The following GABBR2 variants were observed in gnomAD, a reference collection of about 807,000 sequenced individuals.
GABBR2 encodes the protein gamma-aminobutyric acid type B receptor subunit 2.
A neutral mutation model predicts 105.6 loss-of-function variants in GABBR2; 23 were observed. The ratio of observed to expected loss-of-function variants is 0.22; its 90% CI spans 0.16 to 0.31. The LOEUF (loss-of-function observed/expected upper bound fraction) is 0.31. GABBR2 is among the 10% of genes least tolerant of loss of function. GABBR2 has a pLI of 1.00. For missense variants in GABBR2, 734 were observed against 1,245.5 expected (o/e 0.59, Z 6.18); for synonymous variants, 478 against 499.7 (o/e 0.96, Z 0.58).
intron 3 of GABBR2, among the ~76,000 whole-genome samples, chr9:98,508,563 C>T (rs1189243951): frequency 6.6e-6 from 1 of 152,208 alleles, no homozygotes; most frequent in African/African-American, 2.4e-5. Flanking sequence ...TCACTCCCAC[C>T]CTAATACTGC....
At chr9:98,312,631 T>C (rs372682242) in intron 13 of GABBR2, among the ~76,000 whole-genome samples, 25 of 152,384 alleles carry the variant, frequency 1.6e-4, no homozygotes, top group African/African-American at 5.8e-4. Flanking sequence ...AATTCTTACC[T>C]GAGTCATTTA....
At chr9:98,510,007 G>A (rs1457524785) in intron 3 of GABBR2, among the ~76,000 whole-genome samples, 1 of 152,200 alleles carries the variant, frequency 6.6e-6, no homozygotes, top group African/African-American at 2.4e-5. Flanking sequence ...GAAATACTAA[G>A]AGCAGCCAGA....
intron 2 of GABBR2, among the ~76,000 whole-genome samples, chr9:98,576,022 T>C (rs1046911451): frequency 1.3e-5 from 2 of 152,202 alleles, no homozygotes; most frequent in Non-Finnish European, 2.9e-5. Flanking sequence ...TGGGGCTTCC[T>C]TGACCCGGGG....
At chr9:98,290,893 C>G in intron 18 of GABBR2, 144 bp from the exon 19 acceptor site, 1 of 489,224 alleles carries the variant, frequency 2.0e-6, no homozygotes, top group Non-Finnish European at 3.5e-6. Flanking sequence ...AATCATCTAA[C>G]CATTCAGCAA....
At chr9:98,529,222 G>A (rs1828018719) in intron 3 of GABBR2, among the ~76,000 whole-genome samples, 1 of 152,182 alleles carries the variant, frequency 6.6e-6, no homozygotes, top group South Asian at 2.1e-4. Context: ...CAGGGTATTT[G>A]CAGAATTGTT....
At chr9:98,683,995 G>A (rs1405714646) in intron 1 of GABBR2, among the ~76,000 whole-genome samples, 4 of 138,274 alleles carry the variant, frequency 2.9e-5, no homozygotes, top group East Asian at 2.2e-4. Context: ...GCGACAGAGC[G>A]AGACTCCATC....
At position 98,454,984 on chromosome 9, in the gene GABBR2, C is replaced by T. The variant is rs1826299966; in HGVS notation, c.1000-767G>A. Among the ~76,000 whole-genome samples the T allele has an allele frequency of 2.6e-5, 4 of 152,142 alleles. No homozygotes were observed. On this transcript the variant is annotated intron_variant, in intron 6 of 18. Transcript: ENST00000259455. The surrounding 1 kb of genome is among the most constrained non-coding windows in gnomAD (Gnocchi z 4.6). ...TGGAAGGGGTGCAGGTCTGAGTGGGCTGTGTCCGTGGCTTGCAGATTCTGG... is the reference window on the plus strand; with the variant it reads ...TGGAAGGGGTGCAGGTCTGAGTGGGTTGTGTCCGTGGCTTGCAGATTCTGG...
chr9:98,694,055 TACTTGTATA>T, intron 1 of GABBR2, among the ~76,000 whole-genome samples: 1 of 152,316 alleles, frequency 6.6e-6, no homozygotes, highest in South Asian at 2.1e-4. Context: ...CTCCACCAAA[TACTTGTATA>T]TCTCCTTGGA....
At chr9:98,555,540 G>A (rs1483185114) in intron 2 of GABBR2, 2 of 152,180 alleles carry the variant, frequency 1.3e-5, no homozygotes, top group Non-Finnish European at 2.9e-5. Context: ...AATTACATTA[G>A]AAGCCTCTTT....
chr9:98,670,295 G>A (rs1039819215), intron 1 of GABBR2, among the ~76,000 whole-genome samples: 21 of 151,224 alleles, frequency 1.4e-4, no homozygotes, highest in African/African-American at 5.1e-4. Context: ...CAAATACTAT[G>A]TAACATCCAT....
chr9:98,541,153 T>A (rs1828296355), intron 3 of GABBR2, among the ~76,000 whole-genome samples: 1 of 152,216 alleles, frequency 6.6e-6, no homozygotes, highest in Admixed American at 6.5e-5. Context: ...ACCATGAGGT[T>A]AATCAAGACC....
At chr9:98,577,232 A>G (rs1401095343) in intron 2 of GABBR2, among the ~76,000 whole-genome samples, 1 of 23,396 alleles carries the variant, frequency 4.3e-5, no homozygotes, top group Non-Finnish European at 9.4e-5. Flanking sequence ...GGATGGAGCA[A>G]AAAAGTAAAC....
chr9:98,691,249 G>A (rs1233789281), intron 1 of GABBR2, among the ~76,000 whole-genome samples: 1 of 152,186 alleles, frequency 6.6e-6, no homozygotes, highest in African/African-American at 2.4e-5. Flanking sequence ...CAGCTGGGGT[G>A]TTTGAGAATA....
intron 7 of GABBR2, among the ~76,000 whole-genome samples, chr9:98,431,346 A>G (rs557126840): frequency 1.3e-5 from 2 of 152,304 alleles, no homozygotes; most frequent in South Asian, 4.1e-4. Flanking sequence ...TGCTCCTGGC[A>G]CTAGACTGTA....
At chr9:98,403,762 T>A (rs547936383) in intron 8 of GABBR2, among the ~76,000 whole-genome samples, 2,091 of 148,498 alleles carry the variant, frequency 0.014, 25 homozygotes, top group African/African-American at 0.02. Context: ...AAAAAATATA[T>A]ATATATATAC....
intron 7 of GABBR2, among the ~76,000 whole-genome samples, chr9:98,408,277 C>T (rs915677143): frequency 6.6e-6 from 1 of 152,184 alleles, no homozygotes; most frequent in African/African-American, 2.4e-5. Context: ...ACTGACTTCC[C>T]AAACAACACG....
chr9:98,581,654 T>C (rs1302573772), intron 1 of GABBR2, among the ~76,000 whole-genome samples: 1 of 152,116 alleles, frequency 6.6e-6, no homozygotes, highest in Non-Finnish European at 1.5e-5. Context: ...GAGTAGTTCA[T>C]GTTTTAATTG....
At chr9:98,508,054 G>C (rs1827549071) in intron 3 of GABBR2, among the ~76,000 whole-genome samples, 2 of 152,162 alleles carry the variant, frequency 1.3e-5, no homozygotes, top group South Asian at 4.1e-4. Context: ...GTGACAAACT[G>C]CCCATTGCTT....
At chr9:98,541,624 C>T (rs374521037) in intron 3 of GABBR2, among the ~76,000 whole-genome samples, 5 of 152,108 alleles carry the variant, frequency 3.3e-5, no homozygotes, top group Admixed American at 1.3e-4. Context: ...ATAAGCCACA[C>T]GAGGTAGCCA....
Sources: allele counts gnomAD v4.1 joint callset (sites outside exome capture counted in the v4.1 genomes callset), GRCh38; gene constraint gnomAD v4.1.1; non-coding constraint Gnocchi (gnomAD v3.1); transcripts MANE v1.5; gene names NCBI Gene and HGNC (gene_info 2026-07-23, HGNC 2026-07-21).